The following XYLT1 variants were observed in gnomAD, a reference collection of about 807,000 sequenced individuals.
The protein encoded by XYLT1 is xylosyltransferase 1.
A neutral mutation model predicts 91.3 loss-of-function variants in XYLT1; 36 were observed. The observed-to-expected ratio is 0.39, with a 90% CI of 0.30 to 0.52. The LOEUF (loss-of-function observed/expected upper bound fraction) is 0.52, where lower values mean the gene tolerates loss of function less well. Ranked by LOEUF, XYLT1 falls within the 20% of genes least tolerant of loss-of-function variation. The probability of loss-of-function intolerance (pLI) is 0.68; values close to 1 mark genes in which losing one functional copy is unlikely to be tolerated. For missense variants in XYLT1, 1,242 were observed against 1,284.5 expected, an observed-to-expected ratio of 0.97 and a Z score of 0.51; for synonymous variants, 588 against 532.0, an observed-to-expected ratio of 1.11 and a Z score of -1.45.
intron 3 of XYLT1, among the ~76,000 whole-genome samples, chr16:17,253,823 TGAGA>T (rs3060128): frequency 0.13 from 14,979 of 114,620 alleles, 804 homozygotes; most frequent in Non-Finnish European, 0.15. Context: ...CCTTGCAACT[TGAGA>T]GAGAGAGAGA....
intron 5 of XYLT1, chr16:17,193,742 T>A (rs1446341646): frequency 6.6e-6 from 1 of 152,272 alleles, no homozygotes; most frequent in African/African-American, 2.4e-5. Context: ...AAGCTACAGA[T>A]GGGGCGGCAG....
rs550833366 is a variant in XYLT1 at position 17,101,863 on chromosome 16, T to C, written c.*6832A>G. On this transcript the variant is annotated 3_prime_UTR_variant, in exon 12 of 12. Transcript: ENST00000261381. ...CTGTTCCATTGGCCTGGTCACATGGTCACAGCTAAGAGCAAGGCAGTCTGG... is the reference window on the plus strand; with the variant it reads ...CTGTTCCATTGGCCTGGTCACATGGCCACAGCTAAGAGCAAGGCAGTCTGG... 4 of 152,024 alleles carry C rather than the reference T, an allele frequency of 2.6e-5. No homozygotes were observed. Among genetic ancestry groups the C allele is most frequent in the African/African-American group, 9.6e-5 (4 of 41,476 alleles). 9.4% of individuals were successfully genotyped at this position (152,024 alleles called of 1,614,324 possible). A position where few individuals can be genotyped will look rare whatever the true frequency, so the allele number is the denominator to read the frequency against.
chr16:17,135,314 G>A (rs2141508486), intron 8 of XYLT1, among the ~76,000 whole-genome samples: 1 of 152,156 alleles, frequency 6.6e-6, no homozygotes, highest in South Asian at 2.1e-4. Flanking sequence ...TTGCCTCTTT[G>A]GTATTTCAGC....
At chr16:17,364,957 A>G (rs1466092045) in intron 1 of XYLT1, among the ~76,000 whole-genome samples, 1 of 152,314 alleles carries the variant, frequency 6.6e-6, no homozygotes, top group African/African-American at 2.4e-5. Flanking sequence ...GAGACTTTAC[A>G]TGATACCTAA....
At chr16:17,149,362 TA>T (rs2031225799) in intron 6 of XYLT1, among the ~76,000 whole-genome samples, 2 of 152,038 alleles carry the variant, frequency 1.3e-5, no homozygotes, top group Admixed American at 6.5e-5. Context: ...CACAAGCAGC[TA>T]ATATAGCTAA....
intron 2 of XYLT1, among the ~76,000 whole-genome samples, chr16:17,325,374 C>G (rs1170715338): frequency 6.6e-6 from 1 of 152,186 alleles, no homozygotes; most frequent in African/African-American, 2.4e-5. Flanking sequence ...GCACTCTAGC[C>G]TGGGCGACAG....
chr16:17,218,927 G>A (rs1027049198), intron 3 of XYLT1, among the ~76,000 whole-genome samples: 3 of 152,168 alleles, frequency 2.0e-5, no homozygotes, highest in Admixed American at 6.5e-5. Flanking sequence ...GTGGCAGGGG[G>A]CAGGGTGTGA....
chr16:17,419,219 G>A (rs922282322), intron 1 of XYLT1, among the ~76,000 whole-genome samples: 1 of 151,896 alleles, frequency 6.6e-6, no homozygotes, highest in Admixed American at 6.6e-5. Context: ...GTGAATGCCT[G>A]TAGTCCCAGC....
At chr16:17,452,589 C>T (rs766885589) in intron 1 of XYLT1, among the ~76,000 whole-genome samples, 4 of 152,022 alleles carry the variant, frequency 2.6e-5, no homozygotes, top group Non-Finnish European at 4.4e-5. Context: ...TTTTCATTTT[C>T]GCTAATCAAT....
intron 2 of XYLT1, among the ~76,000 whole-genome samples, chr16:17,289,574 T>C (rs1298475069): frequency 6.6e-6 from 1 of 152,218 alleles, no homozygotes; most frequent in Non-Finnish European, 1.5e-5. Context: ...TAGGATGATA[T>C]CTTTCTGGAT....
At chr16:17,289,485 T>A (rs2034190930) in intron 2 of XYLT1, among the ~76,000 whole-genome samples, 1 of 152,140 alleles carries the variant, frequency 6.6e-6, no homozygotes, top group South Asian at 2.1e-4. Flanking sequence ...TTCCCCAGCG[T>A]AAGTGTGTCT....
intron 1 of XYLT1, among the ~76,000 whole-genome samples, chr16:17,465,586 CT>C (rs2036886222): frequency 6.8e-6 from 1 of 147,758 alleles, no homozygotes; most frequent in South Asian, 2.1e-4. Flanking sequence ...ATTTAATAAC[CT>C]AACGTATGCA....
chr16:17,294,015 T>C (rs2034272218), intron 2 of XYLT1, among the ~76,000 whole-genome samples: 1 of 152,146 alleles, frequency 6.6e-6, no homozygotes, highest in Admixed American at 6.5e-5. Context: ...AACAAGTTGC[T>C]TAACCACTCT....
intron 5 of XYLT1, chr16:17,197,976 A>T (rs937824607): frequency 6.9e-6 from 4 of 582,550 alleles, no homozygotes; most frequent in Admixed American, 6.1e-5. Context: ...CCGTCTGTTT[A>T]GTGCACTGGC....
intron 1 of XYLT1, among the ~76,000 whole-genome samples, chr16:17,453,345 G>C (rs779858843): frequency 6.6e-6 from 1 of 152,156 alleles, no homozygotes; most frequent in Non-Finnish European, 1.5e-5. Context: ...GGAGAAGAAC[G>C]GACAGGACTC....
chr16:17,125,416 C>A (rs1304393358), intron 10 of XYLT1, among the ~76,000 whole-genome samples: 1 of 152,152 alleles, frequency 6.6e-6, no homozygotes, highest in Non-Finnish European at 1.5e-5. Context: ...CCCGGGCCTG[C>A]AAGACTACTC....
intron 5 of XYLT1, among the ~76,000 whole-genome samples, chr16:17,185,191 C>A (rs930362312): frequency 2.6e-5 from 4 of 152,238 alleles, no homozygotes; most frequent in African/African-American, 9.6e-5. Flanking sequence ...AAGAGGGAAG[C>A]AAACTGCATT....
chr16:17,290,865 T>G (rs919347716), intron 2 of XYLT1, among the ~76,000 whole-genome samples: 1 of 152,186 alleles, frequency 6.6e-6, no homozygotes, highest in African/African-American at 2.4e-5. Flanking sequence ...TACAATGTCC[T>G]GGGGTGGATC....
intron 11 of XYLT1, among the ~76,000 whole-genome samples, chr16:17,115,139 G>A (rs1388263019): frequency 1.3e-5 from 2 of 151,780 alleles, no homozygotes; most frequent in Non-Finnish European, 2.9e-5. Context: ...CACCGCACCC[G>A]GCTGGGCACA....
Sources: gnomAD v4.1 joint callset for allele counts (sites outside exome capture counted in the v4.1 genomes callset) on GRCh38, gnomAD v4.1.1 for gene constraint, MANE v1.5 for transcripts, NCBI Gene and HGNC (gene_info 2026-07-23, HGNC 2026-07-21) for gene names.